The following ARK2C variants were observed in gnomAD, a reference collection of about 807,000 sequenced individuals.
The protein encoded by ARK2C is arkadia (RNF111) C-terminal like ring finger ubiquitin ligase 2C.
At chr18:46,423,022 C>A in the ARK2C span, among the ~76,000 whole-genome samples, 1 of 152,218 alleles carries the variant, frequency 6.6e-6, no homozygotes, top group African/African-American at 2.4e-5. Flanking sequence ...CACAACCCTG[C>A]TGTCCATCAT....
At chr18:46,358,758 C>T in the ARK2C span, among the ~76,000 whole-genome samples, 1 of 152,222 alleles carries the variant, frequency 6.6e-6, no homozygotes, top group East Asian at 1.9e-4. Context: ...CTTCTCACCC[C>T]TTCCTTCTCA....
chr18:46,372,441 A>G, the ARK2C span, among the ~76,000 whole-genome samples: 90 of 152,344 alleles, frequency 5.9e-4, no homozygotes, highest in South Asian at 9.7e-3. Flanking sequence ...TGCCCAGGGC[A>G]GCCTGAAAAT....
At chr18:46,406,735 A>T in the ARK2C span, among the ~76,000 whole-genome samples, 1 of 152,342 alleles carries the variant, frequency 6.6e-6, no homozygotes, top group Middle Eastern at 3.4e-3. Context: ...GCCACCGGTA[A>T]TGCAGCCAGG....
At chr18:46,426,180 C>G in the ARK2C span, among the ~76,000 whole-genome samples, 1 of 152,206 alleles carries the variant, frequency 6.6e-6, no homozygotes, top group Non-Finnish European at 1.5e-5. Flanking sequence ...TTTCATCAAG[C>G]TTCCTGACTC....
At chr18:46,345,288 G>T in the ARK2C span, among the ~76,000 whole-genome samples, 2 of 152,192 alleles carry the variant, frequency 1.3e-5, no homozygotes, top group African/African-American at 4.8e-5. Context: ...GGGGTGAGGG[G>T]GCAGCAGCCA....
At chr18:46,405,420 C>T in the ARK2C span, among the ~76,000 whole-genome samples, 1 of 152,214 alleles carries the variant, frequency 6.6e-6, no homozygotes, top group South Asian at 2.1e-4. Flanking sequence ...ACAGTGGGAA[C>T]AGTGAGGTGC....
At chr18:46,385,608 A>C in the ARK2C span, 1 of 152,164 alleles carries the variant, frequency 6.6e-6, no homozygotes, top group African/African-American at 2.4e-5. Context: ...ACAGACAGAA[A>C]ATCTTAATAC....
the ARK2C span, among the ~76,000 whole-genome samples, chr18:46,381,338 T>C: frequency 6.6e-6 from 1 of 152,302 alleles, no homozygotes. Flanking sequence ...CAGTGACCCA[T>C]GCCAAGAGAA....
At chr18:46,364,599 T>C in the ARK2C span, among the ~76,000 whole-genome samples, 1 of 152,138 alleles carries the variant, frequency 6.6e-6, no homozygotes, top group African/African-American at 2.4e-5. Flanking sequence ...GATTTTAGGA[T>C]TGGCTTATAG....
the ARK2C span, among the ~76,000 whole-genome samples, chr18:46,387,909 C>T: frequency 2.0e-5 from 3 of 152,218 alleles, no homozygotes; most frequent in African/African-American, 4.8e-5. Context: ...GGGGCAGTCA[C>T]GCCTAATCAA....
chr18:46,452,028 G>T, the ARK2C span, among the ~76,000 whole-genome samples: 1 of 152,210 alleles, frequency 6.6e-6, no homozygotes, highest in Non-Finnish European at 1.5e-5. Flanking sequence ...GAGCATAGGG[G>T]AGTCTCAGGG....
chr18:46,416,697 A>G, the ARK2C span, among the ~76,000 whole-genome samples: 3 of 152,194 alleles, frequency 2.0e-5, no homozygotes, highest in Non-Finnish European at 4.4e-5. Flanking sequence ...GCTCACTCAC[A>G]TTGCTGCAGT....
the ARK2C span, among the ~76,000 whole-genome samples, chr18:46,341,586 C>T: frequency 4.3e-3 from 661 of 152,220 alleles, 5 homozygotes; most frequent in African/African-American, 0.015. Flanking sequence ...ATTGTGGCAA[C>T]GTCTGGGAGT....
chr18:46,363,120 T>G, the ARK2C span, among the ~76,000 whole-genome samples: 1 of 152,224 alleles, frequency 6.6e-6, no homozygotes, highest in Non-Finnish European at 1.5e-5. Flanking sequence ...ACATAATAAG[T>G]GCTCAATAAG....
the ARK2C span, among the ~76,000 whole-genome samples, chr18:46,389,873 C>T: frequency 6.6e-6 from 1 of 152,180 alleles, no homozygotes; most frequent in East Asian, 1.9e-4. Context: ...GGACTATAGG[C>T]ACGTGCCACC....
At chr18:46,452,495 G>A in the ARK2C span, among the ~76,000 whole-genome samples, 5 of 152,036 alleles carry the variant, frequency 3.3e-5, no homozygotes, top group African/African-American at 1.2e-4. Flanking sequence ...GCCCAGGCTG[G>A]TCTTGAACTC....
chr18:46,399,452 G>A, the ARK2C span, among the ~76,000 whole-genome samples: 2 of 152,212 alleles, frequency 1.3e-5, no homozygotes, highest in African/African-American at 2.4e-5. Flanking sequence ...ACTGGGCCTC[G>A]GCACGTGACC....
the ARK2C span, among the ~76,000 whole-genome samples, chr18:46,394,895 ACT>A: frequency 6.6e-6 from 1 of 152,172 alleles, no homozygotes; most frequent in East Asian, 1.9e-4. Flanking sequence ...ATGCAGAATA[ACT>A]CTGCAAACCT....
At chr18:46,452,533 G>T in the ARK2C span, among the ~76,000 whole-genome samples, 1 of 152,022 alleles carries the variant, frequency 6.6e-6, no homozygotes, top group South Asian at 2.1e-4. Context: ...ACCCACCTTG[G>T]CCTCCAAAAT....
Sources: gnomAD v4.1 joint callset for allele counts (sites outside exome capture counted in the v4.1 genomes callset) on GRCh38, gnomAD v4.1.1 for gene constraint, MANE v1.5 for transcripts, NCBI Gene and HGNC (gene_info 2026-07-23, HGNC 2026-07-21) for gene names.